The following SH3GL3 variants were observed in gnomAD, a reference collection of about 807,000 sequenced individuals.
The protein encoded by SH3GL3 is endophilin-A3.
In SH3GL3, 33 loss-of-function variants were observed where a neutral mutation model predicts 47.7. The observed-to-expected ratio is 0.69, with a 90% CI of 0.52 to 0.92. The LOEUF is 0.92. Among genes scored for constraint, SH3GL3 ranks in the 40% least tolerant of loss-of-function variants. SH3GL3 has a pLI of 0.00. For missense variants in SH3GL3, 363 were observed against 417.8 expected (o/e 0.87, Z 1.14); for synonymous variants, 155 against 148.8 (o/e 1.04, Z -0.30).
chr15:83,500,609 G>A (rs1012764842), intron 1 of SH3GL3, among the ~76,000 whole-genome samples: 1 of 152,238 alleles, frequency 6.6e-6, no homozygotes, highest in African/African-American at 2.4e-5. Flanking sequence ...GGAAGTGTTG[G>A]GTCTTTGGCT....
chr15:83,563,952 T>C (rs2045408988), intron 2 of SH3GL3, among the ~76,000 whole-genome samples: 1 of 152,174 alleles, frequency 6.6e-6, no homozygotes, highest in South Asian at 2.1e-4. Flanking sequence ...CCTTCTTTCT[T>C]GTTTGTTTAA....
At chr15:83,556,526 G>C (rs922289491) in intron 1 of SH3GL3, among the ~76,000 whole-genome samples, 2 of 152,200 alleles carry the variant, frequency 1.3e-5, no homozygotes, top group African/African-American at 4.8e-5. Context: ...AATAGAACAA[G>C]TAAAACCTGA....
intron 1 of SH3GL3, among the ~76,000 whole-genome samples, chr15:83,475,804 G>T (rs993555104): frequency 1.3e-5 from 2 of 152,142 alleles, no homozygotes; most frequent in South Asian, 4.1e-4. Flanking sequence ...TGAAGAGTTG[G>T]GATGTTGCAC....
At chr15:83,580,274 A>G (rs1303938636) in intron 6 of SH3GL3, among the ~76,000 whole-genome samples, 8 of 152,164 alleles carry the variant, frequency 5.3e-5, no homozygotes, top group Admixed American at 1.3e-4. Context: ...CCTGGCAGAA[A>G]CTAAAGATGG....
At chr15:83,512,607 AC>A (rs1345908315) in intron 1 of SH3GL3, among the ~76,000 whole-genome samples, 1 of 152,142 alleles carries the variant, frequency 6.6e-6, no homozygotes, top group Non-Finnish European at 1.5e-5. Flanking sequence ...AGGGAGCCAA[AC>A]AAAAGGCGCC....
intron 1 of SH3GL3, among the ~76,000 whole-genome samples, chr15:83,512,524 C>T (rs760988218): frequency 1.3e-5 from 2 of 152,120 alleles, no homozygotes; most frequent in Non-Finnish European, 2.9e-5. Flanking sequence ...GTCAGAAAAG[C>T]TACTCCTGGT....
At chr15:83,549,399 A>G (rs1167406115) in intron 1 of SH3GL3, among the ~76,000 whole-genome samples, 1 of 152,172 alleles carries the variant, frequency 6.6e-6, no homozygotes, top group African/African-American at 2.4e-5. Context: ...AATGAGGGTA[A>G]AGGCTTGTAA....
chr15:83,564,136 G>A (rs1354583638), intron 2 of SH3GL3, among the ~76,000 whole-genome samples: 1 of 152,058 alleles, frequency 6.6e-6, no homozygotes, highest in Non-Finnish European at 1.5e-5. Context: ...AAATACTGTT[G>A]TCTGTATGTT....
intron 8 of SH3GL3, among the ~76,000 whole-genome samples, chr15:83,589,161 A>C (rs1353259535): frequency 6.6e-6 from 1 of 152,192 alleles, no homozygotes. Flanking sequence ...TGTGTCTTTT[A>C]GTAAAATAAT....
At chr15:83,465,878 T>C (rs1057043600) in intron 1 of SH3GL3, among the ~76,000 whole-genome samples, 6 of 152,216 alleles carry the variant, frequency 3.9e-5, no homozygotes, top group African/African-American at 1.4e-4. Context: ...ACCAATCTCT[T>C]GTATCCTTTA....
intron 1 of SH3GL3, among the ~76,000 whole-genome samples, chr15:83,519,739 T>C (rs1283814455): frequency 6.6e-6 from 1 of 152,186 alleles, no homozygotes; most frequent in Admixed American, 6.5e-5. Context: ...GTTCTTAATT[T>C]TAGTGTAGTC....
chr15:83,482,676 G>A (rs561458987), intron 1 of SH3GL3, among the ~76,000 whole-genome samples: 2 of 152,092 alleles, frequency 1.3e-5, no homozygotes, highest in African/African-American at 2.4e-5. Flanking sequence ...TGTATTTTTA[G>A]TAGAGGCGAG....
chr15:83,604,817 C>A (rs2060473150), intron 8 of SH3GL3, among the ~76,000 whole-genome samples: 1 of 152,136 alleles, frequency 6.6e-6, no homozygotes, highest in African/African-American at 2.4e-5. Flanking sequence ...GGTACTTTAC[C>A]TTATAGATAT....
intron 1 of SH3GL3, among the ~76,000 whole-genome samples, chr15:83,539,921 AT>A (rs1299211241): frequency 6.6e-6 from 1 of 152,198 alleles, no homozygotes; most frequent in East Asian, 1.9e-4. Flanking sequence ...ATTTTTAAGA[AT>A]AGAAAGGATA....
rs374793314 is a variant in SH3GL3 at position 83,610,104 on chromosome 15, G to A, written c.839-7978G>A. Among the ~76,000 whole-genome samples the A allele has an allele frequency of 9.2e-5, 14 of 152,314 alleles. No individual in the cohort carries two copies. The South Asian group carries it at 1.9e-3, about 20-fold the overall frequency. On this transcript the variant is annotated intron_variant, in intron 8 of 8. Transcript: ENST00000427482. Reference sequence around the variant, plus strand: ...TGGACAGACCTTCCTGGGGATCTGCGTAGGATTTAGGTAGAGAATGCTCTT... The same window carrying A: ...TGGACAGACCTTCCTGGGGATCTGCATAGGATTTAGGTAGAGAATGCTCTT...
intron 3 of SH3GL3, chr15:83,565,533 T>C (rs940674545): frequency 5.0e-5 from 11 of 219,396 alleles, no homozygotes; most frequent in Non-Finnish European, 8.0e-5. Flanking sequence ...TTATTTCCTC[T>C]TTATAATTTT....
chr15:83,614,416 A>G (rs932573765), intron 8 of SH3GL3, among the ~76,000 whole-genome samples: 4 of 152,176 alleles, frequency 2.6e-5, no homozygotes, highest in African/African-American at 9.7e-5. Flanking sequence ...CAGAGTTTCA[A>G]AGTCACGACC....
intron 7 of SH3GL3, 43 bp from the exon 8 acceptor site, chr15:83,588,619 T>A (rs1247065123): frequency 8.1e-7 from 1 of 1,230,920 alleles, no homozygotes; most frequent in South Asian, 1.2e-5. Context: ...TTGGAAAGCT[T>A]TCAACATCAG....
intron 8 of SH3GL3, among the ~76,000 whole-genome samples, chr15:83,614,513 C>T (rs1409965984): frequency 1.3e-5 from 2 of 152,148 alleles, no homozygotes; most frequent in Non-Finnish European, 2.9e-5. Flanking sequence ...GTCTCTTTAA[C>T]CTTTAACGCT....
Sources: gnomAD v4.1 joint callset for allele counts (sites outside exome capture counted in the v4.1 genomes callset) on GRCh38, gnomAD v4.1.1 for gene constraint, MANE v1.5 for transcripts, NCBI Gene and HGNC (gene_info 2026-07-23, HGNC 2026-07-21) for gene names.